Variants in IL10RB observed in about 807,000 individuals in gnomAD.
IL10RB encodes the protein interleukin 10 receptor subunit beta, also known as interleukin-10 receptor subunit beta.
A neutral mutation model predicts 38.7 loss-of-function variants in IL10RB; 30 were observed. The ratio of observed to expected loss-of-function variants is 0.78; its 90% confidence interval spans 0.58 to 1.05. IL10RB has a LOEUF of 1.05. Ranked by LOEUF, IL10RB falls within the 50% of genes least tolerant of loss-of-function variation. The pLI, the probability that IL10RB is intolerant of heterozygous loss-of-function variation, is 0.00. For missense variants in IL10RB, 328 were observed against 397.1 expected (o/e 0.83, Z 1.48); for synonymous variants, 142 against 145.9 (o/e 0.97, Z 0.19).
At chr21:33,303,238 C>A (rs2082990304) in intron 1 of IL10RB, among the ~76,000 whole-genome samples, 1 of 152,154 alleles carries the variant, frequency 6.6e-6, no homozygotes, top group African/African-American at 2.4e-5. Flanking sequence ...ATGACCTTCA[C>A]CCCCACATCT....
chr21:33,268,234 C>A, intron 1 of IL10RB, 160 bp from the exon 2 acceptor site: 1 of 1,533,276 alleles, frequency 6.5e-7, no homozygotes. Context: ...CAAAGAAAAT[C>A]TAGACTCCTC....
chr21:33,267,059 C>T (rs888637213), intron 1 of IL10RB, among the ~76,000 whole-genome samples: 2 of 152,200 alleles, frequency 1.3e-5, no homozygotes, highest in Non-Finnish European at 2.9e-5. Flanking sequence ...TGTCCCCCAG[C>T]GCCCCAGCTC....
downstream of IL10RB, chr21:33,297,306 G>A (rs1433037536): frequency 6.6e-6 from 1 of 152,044 alleles, no homozygotes; most frequent in Non-Finnish European, 1.5e-5. Flanking sequence ...CATTCCACAA[G>A]TACTTCCTAG....
At chr21:33,283,047 G>T in intron 4 of IL10RB, 47 bp from the exon 5 acceptor site, 1 of 1,453,596 alleles carries the variant, frequency 6.9e-7, no homozygotes, top group South Asian at 1.2e-5. Flanking sequence ...AAAAGGTGGT[G>T]CCCTTCCACT....
chr21:33,293,109 G>A (rs1294937985), intron 6 of IL10RB, among the ~76,000 whole-genome samples: 1 of 152,176 alleles, frequency 6.6e-6, no homozygotes, highest in Non-Finnish European at 1.5e-5. Context: ...CCACTGCAAG[G>A]GTCCCCTCAA....
At chr21:33,305,880 G>A (rs920579579) in intron 1 of IL10RB, among the ~76,000 whole-genome samples, 1 of 151,984 alleles carries the variant, frequency 6.6e-6, no homozygotes, top group Non-Finnish European at 1.5e-5. Context: ...TGCTCAGGCT[G>A]GAGTGCAGTG....
intron 4 of IL10RB, among the ~76,000 whole-genome samples, chr21:33,281,022 G>A (rs998377965): frequency 6.6e-6 from 1 of 152,184 alleles, no homozygotes; most frequent in Non-Finnish European, 1.5e-5. Flanking sequence ...CCAAGATCAA[G>A]GCACCAGCAG....
At chr21:33,283,652 G>T (rs1477814477) in intron 5 of IL10RB, among the ~76,000 whole-genome samples, 1 of 152,192 alleles carries the variant, frequency 6.6e-6, no homozygotes, top group Non-Finnish European at 1.5e-5. Context: ...ACATGTGATG[G>T]GAAGCAAGTG....
At chr21:33,294,125 C>T (rs1455182067) in intron 6 of IL10RB, 3 of 460,418 alleles carry the variant, frequency 6.5e-6, no homozygotes, top group Admixed American at 2.5e-5. Flanking sequence ...GGAGCCAGCC[C>T]CTGTAAGATC....
At chr21:33,268,315 C>A (rs988689785) in intron 1 of IL10RB, 79 bp from the exon 2 acceptor site, 7 of 1,604,336 alleles carry the variant, frequency 4.4e-6, no homozygotes, top group African/African-American at 2.7e-5. Context: ...AGAGGAGAAC[C>A]AAGTGCTGGA....
chr21:33,307,342 A>T (rs2083001274), intron 1 of IL10RB, among the ~76,000 whole-genome samples: 1 of 152,214 alleles, frequency 6.6e-6, no homozygotes, highest in African/African-American at 2.4e-5. Flanking sequence ...TGACGCACAT[A>T]GCAGTCTTGC....
At chr21:33,299,223 T>C (rs8178580), downstream of IL10RB, among the ~76,000 whole-genome samples, 229 of 152,298 alleles carry the variant, frequency 1.5e-3, 3 homozygotes, top group African/African-American at 5.2e-3. Flanking sequence ...TTCGATTTCC[T>C]GTGTCTGTGA....
At position 33,279,861 on chromosome 21, in the gene IL10RB, T is replaced by C; in HGVS notation, c.441T>C (p.Asn147=). The change falls in exon 4 of 7, where the codon AAT becomes AAC. Residue 147 remains asparagine, a synonymous_variant. Coordinates refer to ENST00000290200, the MANE Select transcript of IL10RB (RefSeq NM_000628.5). ...ENEYETWTMK[N]VYNSWTYNVQ... is the part of the protein sequence containing the mutation. ...AATACGAAACTTGGACTATGAAGAA[T>C]GTGTATAACTCATGGACTTATAATG... is the stretch of plus-strand genomic sequence containing the variant. 1 of 1,613,782 alleles carries C rather than the reference T, an allele frequency of 6.2e-7. No individual in the cohort carries two copies. The highest frequency in any genetic ancestry group is 8.5e-7 in the Non-Finnish European group (1 of 1,179,650).
At chr21:33,291,720 A>C (rs1989491408) in intron 6 of IL10RB, among the ~76,000 whole-genome samples, 1 of 152,204 alleles carries the variant, frequency 6.6e-6, no homozygotes, top group Non-Finnish European at 1.5e-5. Flanking sequence ...GCCAGGATGC[A>C]CCACTGCCCC....
chr21:33,293,637 A>G (rs1156691117), intron 6 of IL10RB, among the ~76,000 whole-genome samples: 1 of 152,196 alleles, frequency 6.6e-6, no homozygotes, highest in Non-Finnish European at 1.5e-5. Context: ...CCTGGCCAAC[A>G]TGGTGAAACC....
chr21:33,296,155 A>G lies in IL10RB; in HGVS notation c.805-29A>G, dbSNP rs555526213. On this transcript the variant is annotated intron_variant, in intron 6 of 6. Coordinates refer to ENST00000290200, the MANE Select transcript of IL10RB (RefSeq NM_000628.5). ...CCAGAAAAAGAAATGGAGAAAATTG[A>G]TCATTAACTGTCCTCTTTCCCTCCA... 5.1e-6 allele frequency: 8 copies of G among 1,579,802 alleles called. No individual in the cohort carries two copies. In the African/African-American group the frequency reaches 9.4e-5, roughly 19 times the overall value.
At position 33,274,142 on chromosome 21, in the gene IL10RB, C is replaced by A. The variant is rs558331054; in HGVS notation, c.174-2454C>A. ...CCATCAGAGAAATCACTATCTATGGCAGCTATAACTTTACAAAATATATTT... is the reference window on the plus strand; with the variant it reads ...CCATCAGAGAAATCACTATCTATGGAAGCTATAACTTTACAAAATATATTT... On this transcript the variant is annotated intron_variant, in intron 2 of 6. Transcript: ENST00000290200. Among the ~76,000 whole-genome samples the A allele has an allele frequency of 1.1e-4, 16 of 152,258 alleles. No individual in the cohort carries two copies. In the East Asian group the frequency reaches 3.1e-3, roughly 29 times the overall value.
rs146476632 is a variant in IL10RB at position 33,307,707 on chromosome 21, A to C, written c.130-1269A>C. 4.8e-3 allele frequency among the ~76,000 whole-genome samples: 727 copies of C among 152,220 alleles called. 3 individuals are homozygous for C. The highest frequency in any genetic ancestry group is 8.5e-3 in the Non-Finnish European group (580 of 68,002). On this transcript the variant is annotated intron_variant, in intron 1 of 1. Transcript: ENST00000609556. The stretch of plus-strand genomic sequence containing the variant: ...ATTTACACAGCCCTCTCCTTGTGTC[A>C]TTGCGTCCAGTGTCTCTTTCTTAGA...
chr21:33,278,944 A>G (rs773812802), intron 3 of IL10RB, among the ~76,000 whole-genome samples: 19 of 152,256 alleles, frequency 1.2e-4, no homozygotes, highest in African/African-American at 3.4e-4. Context: ...GAATCATTCT[A>G]TAGTTATTAT....
Sources: gnomAD v4.1 joint callset for allele counts (sites outside exome capture counted in the v4.1 genomes callset) on GRCh38, gnomAD v4.1.1 for gene constraint, MANE v1.5 for transcripts, NCBI Gene and HGNC (gene_info 2026-07-23, HGNC 2026-07-21) for gene names.